The following TTC19 variants were observed in gnomAD, a reference collection of about 807,000 sequenced individuals.
The protein encoded by TTC19 is tetratricopeptide repeat protein 19, mitochondrial.
TTC19 carries 38 observed loss-of-function variants against 49.5 expected under a neutral mutation model. That is an observed-to-expected ratio of 0.77 (90% CI 0.59 to 1.01). The LOEUF (loss-of-function observed/expected upper bound fraction) is 1.01. Ranked by LOEUF, TTC19 falls within the 50% of genes least tolerant of loss-of-function variation. TTC19 has a pLI of 0.00. For missense variants in TTC19, 475 were observed against 477.7 expected (o/e 0.99, Z 0.05); for synonymous variants, 204 against 185.2 (o/e 1.10, Z -0.83).
intron 2 of TTC19, among the ~76,000 whole-genome samples, chr17:16,042,113 C>T (rs2057817336): frequency 6.6e-6 from 1 of 151,682 alleles, no homozygotes; most frequent in Admixed American, 6.6e-5. Context: ...GGGAAGAGTG[C>T]ATGTGCCTAG....
chr17:16,034,404 C>T (rs1276804654), downstream of TTC19, among the ~76,000 whole-genome samples: 1 of 151,926 alleles, frequency 6.6e-6, no homozygotes, highest in African/African-American at 2.4e-5. Flanking sequence ...GCCTGGGCAA[C>T]GTAGTGAGAC....
chr17:16,007,779 C>T (rs368890263), intron 7 of TTC19, among the ~76,000 whole-genome samples: 13 of 152,154 alleles, frequency 8.5e-5, no homozygotes, highest in African/African-American at 3.1e-4. Flanking sequence ...TAAAAACTTA[C>T]GGATTATTTC....
chr17:16,011,582 A>T (rs1178796786), intron 7 of TTC19, among the ~76,000 whole-genome samples: 1 of 152,256 alleles, frequency 6.6e-6, no homozygotes, highest in African/African-American at 2.4e-5. Flanking sequence ...TTGGGCATCA[A>T]GATAGTGTCC....
chr17:16,005,743 A>G (rs566827238), intron 6 of TTC19, among the ~76,000 whole-genome samples: 96 of 152,240 alleles, frequency 6.3e-4, no homozygotes, highest in Non-Finnish European at 1.2e-3. Context: ...ATATAAAATG[A>G]CTAAAGCTCC....
chr17:16,025,276 A>C, intron 8 of TTC19, 105 bp downstream of exon 8: 1 of 1,169,462 alleles, frequency 8.6e-7, no homozygotes, highest in Admixed American at 2.0e-5. Flanking sequence ...ATGGTCCTAG[A>C]TCCTCCTTGG....
At chr17:16,039,889 C>G in intron 2 of TTC19, 1 of 462,966 alleles carries the variant, frequency 2.2e-6, no homozygotes. Flanking sequence ...CTCCCAGATT[C>G]AAGGGATTCT....
At chr17:16,035,732 G>A (rs1412212145) in intron 2 of TTC19, among the ~76,000 whole-genome samples, 5 of 151,758 alleles carry the variant, frequency 3.3e-5, no homozygotes, top group African/African-American at 4.8e-5. Context: ...TGTAGAGATG[G>A]GGTCTCACCA....
intron 5 of TTC19, 25 bp downstream of exon 5, chr17:16,003,912 C>G (rs202127797): frequency 1.2e-6 from 2 of 1,611,090 alleles, no homozygotes; most frequent in Admixed American, 3.3e-5. Context: ...TAGTATTGGC[C>G]CCTCACTGAA....
chr17:16,025,010 T>C lies in TTC19; in HGVS notation c.677-7T>C, dbSNP rs747996216. ...GGTAGATTTGCTGATTCCTCTTTTCTCCTTAGTGGAAGAGAAAGCCAATAC... is the reference window on the plus strand; with the variant it reads ...GGTAGATTTGCTGATTCCTCTTTTCCCCTTAGTGGAAGAGAAAGCCAATAC... On this transcript the variant is annotated splice_polypyrimidine_tract_variant and splice_region_variant and intron_variant, in intron 7 of 9. Transcript: ENST00000261647. 26 of 1,613,740 alleles carry C rather than the reference T, an allele frequency of 1.6e-5. No homozygotes were observed. Among genetic ancestry groups the C allele is most frequent in the Non-Finnish European group, 2.2e-5 (26 of 1,179,778 alleles).
intron 7 of TTC19, among the ~76,000 whole-genome samples, chr17:16,014,404 C>G (rs8070719): frequency 0.083 from 12,616 of 152,198 alleles, 982 homozygotes; most frequent in African/African-American, 0.2. Context: ...TAATAGTGAG[C>G]CGTCTCACTG....
At chr17:16,014,050 A>G (rs1326796360) in intron 7 of TTC19, among the ~76,000 whole-genome samples, 2 of 152,294 alleles carry the variant, frequency 1.3e-5, no homozygotes, top group African/African-American at 4.8e-5. Flanking sequence ...TCACTCATGT[A>G]TTGGCTTTTT....
At chr17:16,019,723 CTA>C (rs929097552) in intron 7 of TTC19, among the ~76,000 whole-genome samples, 4 of 152,216 alleles carry the variant, frequency 2.6e-5, no homozygotes, top group South Asian at 2.1e-4. Flanking sequence ...TTGGGTTATT[CTA>C]TATGTTTTGC....
Position 16,025,159 on chromosome 17 carries a change from A to G in TTC19, c.819A>G (p.Glu273=), listed in dbSNP as rs760228229. The change falls in exon 8 of 10, where the codon GAA becomes GAG. Residue 273 remains glutamate, a synonymous_variant. Transcript: ENST00000261647. ...AGATTTCTGAAGAAATACAAGGAGA[A>G]AGACACCCACAGGTAAGGGAGGAAA... ...ALQISEEIQG[E]RHPQTIVLMS... is the part of the protein sequence containing the mutation. 1.7e-5 allele frequency: 28 copies of G among 1,613,822 alleles called. No individual in the cohort carries two copies. Among genetic ancestry groups the G allele is most frequent in the Non-Finnish European group, 2.4e-5 (28 of 1,179,884 alleles).
chr17:16,000,514 C>A, intron 2 of TTC19: 1 of 921,224 alleles, frequency 1.1e-6, no homozygotes, highest in Non-Finnish European at 1.5e-6. Flanking sequence ...AACGAAATAT[C>A]GGGAACGTTT....
rs1970663005 is a variant in TTC19, at chr17:15,999,925, C to T, written c.77C>T (p.Ala26Val). ...GGGCGGCGGTGCCGGGGCTGCTCCG[C>T]GCGCCTGCTCCCGGGGCTGGCAGGA... ...AAGRRCRGCS[A>V]RLLPGLAGGP... The change falls in exon 1 of 10, where the codon GCG (alanine) becomes GTG (valine). Residue 26 changes from alanine (A) to valine (V), a missense_variant. Ala to Val is a moderately conservative substitution (Grantham distance 64). Transcript: ENST00000261647. The T allele has an allele frequency of 1.5e-6, 2 of 1,342,924 alleles. No individual in the cohort carries two copies. Among genetic ancestry groups the T allele is most frequent in the Non-Finnish European group, 1.9e-6 (2 of 1,055,158 alleles). 83.2% of individuals were successfully genotyped at this position (1,342,924 alleles called of 1,614,324 possible).
intron 7 of TTC19, among the ~76,000 whole-genome samples, chr17:16,007,368 A>G (rs1970941951): frequency 6.6e-6 from 1 of 151,134 alleles, no homozygotes; most frequent in African/African-American, 2.5e-5. Flanking sequence ...AACAATTATA[A>G]CTATATACTG....
At chr17:16,000,333 C>A (rs746419178) in intron 2 of TTC19, 88 bp downstream of exon 2, 6 of 1,554,156 alleles carry the variant, frequency 3.9e-6, no homozygotes, top group Non-Finnish European at 3.5e-6. Context: ...CTCTCTCCGC[C>A]TCGCCGAAGA....
At chr17:16,023,957 C>T (rs776423472) in intron 7 of TTC19, 2 of 152,316 alleles carry the variant, frequency 1.3e-5, no homozygotes, top group Non-Finnish European at 1.5e-5. Context: ...CCCAACTGAA[C>T]CTAAGATTAT....
chr17:16,039,996 G>C (rs2057252189), intron 2 of TTC19: 2 of 388,954 alleles, frequency 5.1e-6, no homozygotes, highest in Non-Finnish European at 4.9e-6. Flanking sequence ...CACCATATTG[G>C]TCAGGCTGAT....
Sources: gnomAD v4.1 joint callset for allele counts (sites outside exome capture counted in the v4.1 genomes callset) on GRCh38, gnomAD v4.1.1 for gene constraint, MANE v1.5 for transcripts, NCBI Gene and HGNC (gene_info 2026-07-23, HGNC 2026-07-21) for gene names.